Variants in SV2C observed in about 807,000 individuals in gnomAD.
SV2C encodes solute carrier family 22 member B3.
A neutral mutation model predicts 79.7 loss-of-function variants in SV2C; 49 were observed. The ratio of observed to expected loss-of-function variants is 0.61; its 90% confidence interval spans 0.49 to 0.78. The LOEUF (loss-of-function observed/expected upper bound fraction) is 0.78, where lower values mean the gene tolerates loss of function less well. Ranked by LOEUF, SV2C falls within the 30% of genes least tolerant of loss-of-function variation. The probability of loss-of-function intolerance (pLI) is 0.00; values close to 1 mark genes in which losing one functional copy is unlikely to be tolerated. For missense variants in SV2C, 833 were observed against 912.9 expected (o/e 0.91, Z 1.13); for synonymous variants, 334 against 333.2 (o/e 1.00, Z -0.03).
the SV2C span, among the ~76,000 whole-genome samples, chr5:75,902,453 G>C: frequency 6.6e-6 from 1 of 152,320 alleles, no homozygotes; most frequent in Non-Finnish European, 1.5e-5. Context: ...TGGATTAGCT[G>C]TCATCCCTTT....
chr5:76,105,849 C>T (rs1469921566), intron 1 of SV2C, among the ~76,000 whole-genome samples: 1 of 152,048 alleles, frequency 6.6e-6, no homozygotes, highest in East Asian at 1.9e-4. Context: ...CGCTCTTCTC[C>T]CCAATCTCTT....
chr5:75,910,583 G>T, the SV2C span: 1 of 708,084 alleles, frequency 1.4e-6, no homozygotes, highest in South Asian at 1.5e-5. Context: ...TGAGATTGAG[G>T]AGAGAATTGC....
At chr5:76,026,867 T>C in the SV2C span, among the ~76,000 whole-genome samples, 1 of 151,998 alleles carries the variant, frequency 6.6e-6, no homozygotes, top group African/African-American at 2.4e-5. Flanking sequence ...TTCCTGAGGA[T>C]GGAGGTGGAT....
chr5:75,937,017 T>C, the SV2C span, among the ~76,000 whole-genome samples: 77,363 of 151,980 alleles, frequency 0.51, 19,831 homozygotes, highest in East Asian at 0.63. Context: ...TTTAGAAAAC[T>C]TTGTCAAAAC....
Position 76,217,522 on chromosome 5 carries a change from G to A in SV2C, c.913+7635G>A, listed in dbSNP as rs373322294. 1.4e-3 allele frequency among the ~76,000 whole-genome samples: 206 copies of A among 152,308 alleles called. 9 individuals carry two copies. In the South Asian group the frequency reaches 0.041, roughly 31 times the overall value. ...TGTCAAAGCTTTTCAGTCTGATCCA[G>A]CCCACTCTCCTAGTCAGCATTGTAG... is the stretch of plus-strand genomic sequence containing the variant. On this transcript the variant is annotated intron_variant, in intron 4 of 12. Transcript: ENST00000502798.
At chr5:76,237,991 C>CACACAT (rs771109241) in intron 4 of SV2C, among the ~76,000 whole-genome samples, 1 of 118,102 alleles carries the variant, frequency 8.5e-6, no homozygotes, top group Non-Finnish European at 1.5e-5. Context: ...CACACACACA[C>CACACAT]ATACATACAT....
chr5:76,148,852 G>A (rs1749515567), intron 2 of SV2C, among the ~76,000 whole-genome samples: 1 of 152,166 alleles, frequency 6.6e-6, no homozygotes, highest in Non-Finnish European at 1.5e-5. Context: ...AGTGGGTGGA[G>A]GGTTCAGGTC....
the SV2C span, among the ~76,000 whole-genome samples, chr5:75,891,603 C>T: frequency 2.0e-5 from 3 of 152,032 alleles, no homozygotes; most frequent in African/African-American, 4.8e-5. Flanking sequence ...ATGTTTTCAT[C>T]GTTTCTGATG....
chr5:75,891,615 A>G, the SV2C span, among the ~76,000 whole-genome samples: 1 of 152,146 alleles, frequency 6.6e-6, no homozygotes, highest in Admixed American at 6.6e-5. Flanking sequence ...TTTCTGATGA[A>G]TAATCCATTA....
the SV2C span, among the ~76,000 whole-genome samples, chr5:75,960,651 G>A: frequency 2.6e-4 from 40 of 151,960 alleles, no homozygotes; most frequent in East Asian, 5.8e-4. Flanking sequence ...AAGCTATAGC[G>A]TCTAGGTTTG....
At chr5:76,252,608 T>C (rs904781549) in intron 4 of SV2C, among the ~76,000 whole-genome samples, 2 of 152,222 alleles carry the variant, frequency 1.3e-5, no homozygotes, top group African/African-American at 4.8e-5. Context: ...TTGGTATAGC[T>C]GGTGAGAACA....
At chr5:76,238,150 C>G (rs6865959) in intron 4 of SV2C, among the ~76,000 whole-genome samples, 65,950 of 151,582 alleles carry the variant, frequency 0.44, 15,346 homozygotes, top group African/African-American at 0.6. Context: ...TACCTGGATC[C>G]ATTTTCTAAT....
At chr5:75,977,714 A>C in the SV2C span, among the ~76,000 whole-genome samples, 1 of 152,184 alleles carries the variant, frequency 6.6e-6, no homozygotes, top group Non-Finnish European at 1.5e-5. Flanking sequence ...TGCATCTGCC[A>C]ACACATGCAC....
intron 1 of SV2C, among the ~76,000 whole-genome samples, chr5:76,095,886 T>C (rs889695095): frequency 1.3e-5 from 2 of 152,042 alleles, no homozygotes; most frequent in African/African-American, 2.4e-5. Flanking sequence ...TACTCATGGG[T>C]TTTTCTTTGG....
chr5:75,965,734 T>A, the SV2C span, among the ~76,000 whole-genome samples: 1 of 152,168 alleles, frequency 6.6e-6, no homozygotes, highest in Non-Finnish European at 1.5e-5. Flanking sequence ...TATTCTAGAT[T>A]GAGTTTTTTT....
the SV2C span, chr5:75,921,198 AG>A: frequency 9.7e-7 from 1 of 1,033,492 alleles, no homozygotes; most frequent in Non-Finnish European, 1.5e-6. Flanking sequence ...AACTTGAGCC[AG>A]GGGCCAGCAG....
At chr5:75,893,620 T>C in the SV2C span, among the ~76,000 whole-genome samples, 1 of 151,798 alleles carries the variant, frequency 6.6e-6, no homozygotes, top group African/African-American at 2.4e-5. Context: ...AGGCCAAGAG[T>C]TGAAAAACTA....
chr5:76,127,457 G>A (rs888979832), intron 1 of SV2C, among the ~76,000 whole-genome samples: 1 of 152,130 alleles, frequency 6.6e-6, no homozygotes. Flanking sequence ...GATTCACTTC[G>A]CTGTGAACGT....
chr5:75,963,231 T>C, the SV2C span, among the ~76,000 whole-genome samples: 11 of 152,170 alleles, frequency 7.2e-5, no homozygotes, highest in African/African-American at 2.7e-4. Context: ...TTCATTGTAC[T>C]GCACTGCTAG....
Sources: allele counts gnomAD v4.1 joint callset (sites outside exome capture counted in the v4.1 genomes callset), GRCh38; gene constraint gnomAD v4.1.1; transcripts MANE v1.5; gene names NCBI Gene and HGNC (gene_info 2026-07-23, HGNC 2026-07-21).